PIEZO1: variants seen among roughly 807,000 people sequenced by gnomAD.
The protein encoded by PIEZO1 is piezo type mechanosensitive ion channel component 1 (Er blood group), also known as piezo-type mechanosensitive ion channel component 1.
In PIEZO1, 296 loss-of-function variants were observed where a neutral mutation model predicts 297.2. The observed-to-expected ratio is 1.00, with a 90% CI of 0.91 to 1.10. PIEZO1 has a LOEUF of 1.10. PIEZO1 is among the 50% of genes least tolerant of loss of function. The pLI is 0.00. For synonymous variants in PIEZO1, 2,427 were observed against 1,507.5 expected (o/e 1.61, Z -14.13); for missense variants, 5,018 against 3,455.5 (o/e 1.45, Z -11.34).
rs1369040011 is a variant in PIEZO1 at position 88,731,864 on chromosome 16, A to C, written c.3038T>G (p.Phe1013Cys). 2.8e-6 allele frequency: 3 copies of C among 1,073,320 alleles called. No homozygotes were observed. The South Asian group carries it at 4.7e-5, about 17-fold the overall frequency. The allele number at this position is 1,073,320 out of a possible 1,614,324, so 66.5% of individuals were successfully genotyped here. The change falls in exon 22 of 51, where the codon TTT (phenylalanine) becomes TGT (cysteine). Residue 1013 changes from phenylalanine to cysteine, a missense_variant. Coordinates refer to ENST00000301015, the MANE Select transcript of PIEZO1 (RefSeq NM_001142864.4). Reference sequence around the variant, plus strand: ...CCAGCAACCGTGCAGGGTCACCAGAAAGTTCATGCGCTGCCCGATCACGTT... The same window carrying C: ...CCAGCAACCGTGCAGGGTCACCAGACAGTTCATGCGCTGCCCGATCACGTT... ...AVNVIGQRMNFLVTLHGCWLV... is the reference protein window; with the variant it reads ...AVNVIGQRMNCLVTLHGCWLV...
intron 1 of PIEZO1, among the ~76,000 whole-genome samples, chr16:88,765,210 A>C (rs924011113): frequency 6.6e-6 from 1 of 152,198 alleles, no homozygotes; most frequent in African/African-American, 2.4e-5. Context: ...TCAGAGAGGA[A>C]TGCAACCTGG....
In PIEZO1 at chr16:88,722,905, G is replaced by T; in HGVS notation, c.4600C>A (p.Arg1534=). 6.5e-7 allele frequency: 1 copy of T among 1,549,262 alleles called. No individual in the cohort carries two copies. Among genetic ancestry groups the T allele is most frequent in the Non-Finnish European group, 8.7e-7 (1 of 1,146,796 alleles). The part of the protein sequence containing the change: ...ELTRWLQEFT[R]HHGTMSDVLR... ...ACGTCGCTCATGGTGCCGTGGTGCC[G>T]GGTGAACTCCTGCAGCCAGCGTGTC... Residue 1534 remains arginine, a synonymous_variant, in exon 34 of 51, where the codon CGG becomes AGG. Coordinates refer to ENST00000301015, the MANE Select transcript of PIEZO1 (RefSeq NM_001142864.4).
intron 1 of PIEZO1, among the ~76,000 whole-genome samples, chr16:88,770,067 G>T (rs935774989): frequency 6.6e-6 from 1 of 152,178 alleles, no homozygotes; most frequent in Non-Finnish European, 1.5e-5. Context: ...CCGTCCCCAG[G>T]GAAGAGGACT....
At position 88,732,723 on chromosome 16, in the gene PIEZO1, T is replaced by C; in HGVS notation, c.2674A>G (p.Asn892Asp). Residue 892 changes from asparagine to aspartate, a missense_variant, in exon 20 of 51, where the codon AAC becomes GAC. Transcript: ENST00000301015. ...TCCGTGGGCAGCAAGTTGGTGCTGT[T>C]GGGGAAGGGCTGGCAAGAGGCCAGG... is the stretch of plus-strand genomic sequence containing the variant. ...YSSNCTEPFPNSTNLLPTEIS... is the reference protein window; with the variant it reads ...YSSNCTEPFPDSTNLLPTEIS... 2.6e-6 allele frequency: 4 copies of C among 1,547,048 alleles called. No homozygotes were observed. Among genetic ancestry groups the C allele is most frequent in the Middle Eastern group, 1.7e-4 (1 of 5,780 alleles).
Position 88,723,909 on chromosome 16 carries a change from G to A in PIEZO1, c.4297C>T (p.Pro1433Ser). 1.3e-6 allele frequency: 2 copies of A among 1,549,630 alleles called. No individual in the cohort carries two copies. Among genetic ancestry groups the A allele is most frequent in the Non-Finnish European group, 1.7e-6 (2 of 1,146,206 alleles). Residue 1433 changes from proline (P) to serine (S), a missense_variant, in exon 31 of 51, where the codon CCT (proline) becomes TCT (serine). Transcript: ENST00000301015. Reference protein sequence around the residue: ...SDSEEEEEAVPEDPRPSAQSA... With the variant: ...SDSEEEEEAVSEDPRPSAQSA... Reference sequence around the variant, plus strand: ...TGTGCCGACGGCCTCGGGTCTTCAGGAACAGCCTCCTCCTCTTCCTCACTG... The same window carrying A: ...TGTGCCGACGGCCTCGGGTCTTCAGAAACAGCCTCCTCCTCTTCCTCACTG...
intron 23 of PIEZO1, 45 bp from the exon 24 acceptor site, chr16:88,727,237 C>T (rs768949054): frequency 7.0e-5 from 105 of 1,490,986 alleles, no homozygotes; most frequent in Non-Finnish European, 8.1e-5. Context: ...GGGACCCACA[C>T]GAGGTGGGCA....
intron 1 of PIEZO1, among the ~76,000 whole-genome samples, chr16:88,755,052 C>T (rs1382435841): frequency 2.0e-5 from 3 of 152,176 alleles, no homozygotes; most frequent in Non-Finnish European, 2.9e-5. Context: ...ATCAGGTCAC[C>T]GCCGCGGCCA....
intron 27 of PIEZO1, 117 bp from the exon 28 acceptor site, chr16:88,725,801 G>C: frequency 3.1e-6 from 2 of 648,888 alleles, no homozygotes; most frequent in Non-Finnish European, 2.8e-6. Flanking sequence ...GCCCACGCTG[G>C]ACAAGAGGCA....
At chr16:88,736,863 T>A in intron 10 of PIEZO1, 124 bp from the exon 11 acceptor site, 1 of 595,492 alleles carries the variant, frequency 1.7e-6, no homozygotes, top group Non-Finnish European at 2.9e-6. Flanking sequence ...CGGTGGGCTA[T>A]GGGCAGAACA....
At chr16:88,749,610 G>A in intron 1 of PIEZO1, 131 bp from the exon 2 acceptor site, 1 of 681,802 alleles carries the variant, frequency 1.5e-6, no homozygotes, top group South Asian at 1.9e-5. Context: ...CCCTGAGCCA[G>A]AGCCGTGGAA....
chr16:88,743,109 G>A (rs746082075), intron 2 of PIEZO1: 34 of 456,460 alleles, frequency 7.4e-5, no homozygotes, highest in Non-Finnish European at 1.3e-4. Context: ...CTGGTTGCCT[G>A]GCAGCCTTGT....
intron 21 of PIEZO1, 76 bp from the exon 22 acceptor site, chr16:88,731,986 C>A: frequency 8.3e-6 from 1 of 121,148 alleles, no homozygotes. Context: ...ACCCAGCAGG[C>A]CTCAGGCTTG....
chr16:88,766,655 G>C (rs1309614318), intron 1 of PIEZO1, among the ~76,000 whole-genome samples: 1 of 152,196 alleles, frequency 6.6e-6, no homozygotes, highest in African/African-American at 2.4e-5. Flanking sequence ...TGGGACGCCG[G>C]GGGCCCCCAC....
At chr16:88,784,333 G>A (rs1908074486) in intron 1 of PIEZO1, among the ~76,000 whole-genome samples, 2 of 152,230 alleles carry the variant, frequency 1.3e-5, no homozygotes. Flanking sequence ...CCAAAGTGTG[G>A]GACCGCCTCA....
At chr16:88,783,337 A>T (rs2142917122) in intron 1 of PIEZO1, among the ~76,000 whole-genome samples, 1 of 152,368 alleles carries the variant, frequency 6.6e-6, no homozygotes, top group East Asian at 1.9e-4. Flanking sequence ...GGCTGGAAAA[A>T]TACCAGAAGA....
At chr16:88,739,143 C>A in intron 5 of PIEZO1, 1 of 182,114 alleles carries the variant, frequency 5.5e-6, no homozygotes, top group Non-Finnish European at 1.2e-5. Flanking sequence ...CCAAGGGGGC[C>A]TGAGGGACAT....
Position 88,725,462 on chromosome 16 carries a change from A to C in PIEZO1, c.4116T>G (p.Ser1372Arg), listed in dbSNP as rs1904353516. 6.6e-7 allele frequency: 1 copy of C among 1,506,134 alleles called. No homozygotes were observed. Among genetic ancestry groups the C allele is most frequent in the Non-Finnish European group, 8.9e-7 (1 of 1,123,622 alleles). 93.3% of individuals were successfully genotyped at this position (1,506,134 alleles called of 1,614,324 possible). A position where few individuals can be genotyped will look rare whatever the true frequency, so the allele number is the denominator to read the frequency against. The part of the protein sequence containing the change: ...EKHRQGRVDR[S>R]RPQDTLGPKD... ...TGGGGCCCAGGGTGTCCTGGGGGCG[A>C]CTGCGGTCCACCCGGCCCTGCCTGT... The change falls in exon 29 of 51, where the codon AGT becomes AGG. Residue 1372 changes from serine to arginine, a missense_variant. Transcript: ENST00000301015.
At position 88,726,714 on chromosome 16, in the gene PIEZO1, C is replaced by T. The variant is rs112508120; in HGVS notation, c.3699+1G>A. The T allele has an allele frequency of 6.5e-7, 1 of 1,549,480 alleles. No individual in the cohort carries two copies. Among genetic ancestry groups the T allele is most frequent in the East Asian group, 2.4e-5 (1 of 40,906 alleles). On this transcript the variant is annotated splice_donor_variant, in intron 25 of 50. Transcript: ENST00000301015. LOFTEE classifies it high-confidence loss of function. Reference sequence around the variant, plus strand: ...TGGGTGCGGGGGGGCCGGAGGCTCACCGACAGCATGTTCTTGGAGATGATG... The same window carrying T: ...TGGGTGCGGGGGGGCCGGAGGCTCATCGACAGCATGTTCTTGGAGATGATG...
Position 88,761,657 on chromosome 16 carries a change from G to A in PIEZO1, c.65-12178C>T, listed in dbSNP as rs111267474. 5.1e-3 allele frequency among the ~76,000 whole-genome samples: 776 copies of A among 152,256 alleles called. 8 individuals carry two copies. Among genetic ancestry groups the A allele is most frequent in the African/African-American group, 0.016 (661 of 41,536 alleles). The stretch of plus-strand genomic sequence containing the variant: ...CCCCAGCATGGCAGGAGACCAAGCA[G>A]AGATGAGAATGCCCCACCCCACGCG... On this transcript the variant is annotated intron_variant, in intron 1 of 50. Transcript: ENST00000301015.
Sources: gnomAD v4.1 joint callset for allele counts (sites outside exome capture counted in the v4.1 genomes callset) on GRCh38, gnomAD v4.1.1 for gene constraint, MANE v1.5 for transcripts, NCBI Gene and HGNC (gene_info 2026-07-23, HGNC 2026-07-21) for gene names.